TMEM117: variants seen among roughly 807,000 people sequenced by gnomAD.
TMEM117 encodes the protein transmembrane protein 117.
A neutral mutation model predicts 52.4 loss-of-function variants in TMEM117; 27 were observed. The ratio of observed to expected loss-of-function variants is 0.51; its 90% CI spans 0.38 to 0.71. TMEM117 has a LOEUF of 0.71. TMEM117 is among the 30% of genes least tolerant of loss of function. The pLI is 0.00. For missense variants in TMEM117, 556 were observed against 630.5 expected (o/e 0.88, Z 1.26); for synonymous variants, 215 against 206.3 (o/e 1.04, Z -0.36).
chr12:44,033,968 G>A (rs1946673091), intron 3 of TMEM117, among the ~76,000 whole-genome samples: 1 of 152,130 alleles, frequency 6.6e-6, no homozygotes, highest in African/African-American at 2.4e-5. Flanking sequence ...GAGTTGTAGT[G>A]ACTGTTTCTT....
intron 4 of TMEM117, among the ~76,000 whole-genome samples, chr12:44,183,751 C>T (rs756443913): frequency 5.3e-5 from 8 of 152,128 alleles, no homozygotes; most frequent in Admixed American, 1.3e-4. Context: ...GGAAAGGGGG[C>T]GGGACTGCAT....
chr12:44,319,494 C>T (rs1322715386), intron 6 of TMEM117, among the ~76,000 whole-genome samples: 3 of 152,188 alleles, frequency 2.0e-5, no homozygotes, highest in African/African-American at 7.2e-5. Flanking sequence ...TGCCCACCTT[C>T]TCCTCCCTGG....
intron 6 of TMEM117, among the ~76,000 whole-genome samples, chr12:44,335,394 G>A (rs779962167): frequency 6.6e-6 from 1 of 152,058 alleles, no homozygotes; most frequent in South Asian, 2.1e-4. Flanking sequence ...TATGAAAATA[G>A]TATTTTTAAT....
intron 6 of TMEM117, among the ~76,000 whole-genome samples, chr12:44,375,352 A>G (rs1951927126): frequency 6.6e-6 from 1 of 152,180 alleles, no homozygotes; most frequent in Non-Finnish European, 1.5e-5. Context: ...ATAATGTTGC[A>G]TCGTTCTGTT....
intron 4 of TMEM117, among the ~76,000 whole-genome samples, chr12:44,200,856 G>C (rs182424628): frequency 6.6e-6 from 1 of 152,206 alleles, no homozygotes; most frequent in East Asian, 1.9e-4. Flanking sequence ...TGGCTGAGTG[G>C]GTCCTGCCAC....
At chr12:43,998,132 TCC>T (rs1488836197) in intron 3 of TMEM117, among the ~76,000 whole-genome samples, 1 of 152,108 alleles carries the variant, frequency 6.6e-6, no homozygotes, top group Admixed American at 6.6e-5. Flanking sequence ...ATAGCAAAAA[TCC>T]CTCACAACTG....
intron 2 of TMEM117, among the ~76,000 whole-genome samples, chr12:43,922,783 TC>T: frequency 1.3e-5 from 2 of 152,168 alleles, no homozygotes; most frequent in African/African-American, 4.8e-5. Context: ...ACTATTTGTT[TC>T]TTCTCACCAC....
intron 6 of TMEM117, among the ~76,000 whole-genome samples, chr12:44,334,469 G>A (rs1447437567): frequency 6.6e-6 from 1 of 152,044 alleles, no homozygotes; most frequent in Non-Finnish European, 1.5e-5. Flanking sequence ...GCATGGTGCA[G>A]CTCTGGGCCT....
intron 6 of TMEM117, among the ~76,000 whole-genome samples, chr12:44,371,239 A>G (rs1322563810): frequency 6.6e-6 from 1 of 152,204 alleles, no homozygotes; most frequent in Non-Finnish European, 1.5e-5. Flanking sequence ...TGGTAGAATG[A>G]TGTTATGATA....
intron 3 of TMEM117, among the ~76,000 whole-genome samples, chr12:44,128,169 A>G (rs899516585): frequency 6.6e-6 from 1 of 152,158 alleles, no homozygotes. Context: ...TGGGCATTCC[A>G]GCAGCAGCCC....
intron 3 of TMEM117, among the ~76,000 whole-genome samples, chr12:44,067,982 C>T (rs114884591): frequency 0.012 from 1,759 of 152,338 alleles, 24 homozygotes; most frequent in African/African-American, 0.04. Context: ...GGATAGCTTA[C>T]TGCAGCTTCT....
At chr12:44,365,671 A>G (rs1052935273) in intron 6 of TMEM117, among the ~76,000 whole-genome samples, 1 of 152,104 alleles carries the variant, frequency 6.6e-6, no homozygotes, top group South Asian at 2.1e-4. Flanking sequence ...CCTGGCACAG[A>G]GAAAATTCAT....
At chr12:43,895,913 G>A (rs1182830976) in intron 2 of TMEM117, among the ~76,000 whole-genome samples, 1 of 151,788 alleles carries the variant, frequency 6.6e-6, no homozygotes, top group Admixed American at 6.6e-5. Flanking sequence ...TAATTTTGCT[G>A]ATGAAGGCTG....
chr12:44,069,250 C>A (rs2137976973), intron 3 of TMEM117, among the ~76,000 whole-genome samples: 1 of 152,070 alleles, frequency 6.6e-6, no homozygotes, highest in African/African-American at 2.4e-5. Context: ...TATGTAAAAC[C>A]TACACTTTGC....
intron 5 of TMEM117, among the ~76,000 whole-genome samples, chr12:44,217,835 G>T (rs1414055929): frequency 2.0e-5 from 3 of 152,146 alleles, no homozygotes; most frequent in Non-Finnish European, 4.4e-5. Flanking sequence ...TGTTCATATT[G>T]ATATCTTTCA....
intron 5 of TMEM117, among the ~76,000 whole-genome samples, chr12:44,256,411 T>C (rs928209251): frequency 6.6e-6 from 1 of 152,030 alleles, no homozygotes; most frequent in Non-Finnish European, 1.5e-5. Flanking sequence ...GGAAGAAATA[T>C]GCAATCACAT....
chr12:43,962,962 TC>T (rs1945427769), intron 3 of TMEM117, among the ~76,000 whole-genome samples: 1 of 151,582 alleles, frequency 6.6e-6, no homozygotes, highest in South Asian at 2.1e-4. Flanking sequence ...GGAGGATAGT[TC>T]CTAGGCATAT....
At chr12:44,196,086 C>T (rs896994464) in intron 4 of TMEM117, among the ~76,000 whole-genome samples, 9 of 151,722 alleles carry the variant, frequency 5.9e-5, no homozygotes, top group African/African-American at 9.7e-5. Context: ...AACTATGCCT[C>T]TTTAAAAGAA....
chr12:44,128,409 A>T (rs541600762), intron 3 of TMEM117, among the ~76,000 whole-genome samples: 11 of 152,318 alleles, frequency 7.2e-5, no homozygotes, highest in African/African-American at 2.6e-4. Flanking sequence ...AATTGTTTGC[A>T]AGTCTTTTTT....
Sources: gnomAD v4.1 joint callset for allele counts (sites outside exome capture counted in the v4.1 genomes callset) on GRCh38, gnomAD v4.1.1 for gene constraint, MANE v1.5 for transcripts, NCBI Gene and HGNC (gene_info 2026-07-23, HGNC 2026-07-21) for gene names.